CBLN2: variants seen among roughly 807,000 people sequenced by gnomAD.
CBLN2 encodes the protein cerebellin-2.
Under a neutral mutation model 15.0 loss-of-function variants are expected in CBLN2, and 7 were observed. The ratio of observed to expected loss-of-function variants is 0.47; its 90% CI spans 0.27 to 0.88. The LOEUF is 0.88. Among genes scored for constraint, CBLN2 ranks in the 40% least tolerant of loss-of-function variants. The pLI is 0.14. For synonymous variants in CBLN2, 149 were observed against 135.2 expected (o/e 1.10, Z -0.71); for missense variants, 242 against 304.5 (o/e 0.79, Z 1.53).
At chr18:72,635,413 A>C (rs2069805743) in intron 1 of CBLN2, among the ~76,000 whole-genome samples, 1 of 152,138 alleles carries the variant, frequency 6.6e-6, no homozygotes. Context: ...CACAAGAATG[A>C]ATGTTAGGGG....
rs1313214575 is a variant in CBLN2, at chr18:72,543,508, G to C, written c.-189C>G. On this transcript the variant is annotated 5_prime_UTR_variant, in exon 2 of 5. Transcript: ENST00000269503. This position sits in a 1 kb window ranked among gnomAD's most constrained non-coding sequence, Gnocchi z 6.8. Reference sequence around the variant, plus strand: ...TACCTGGAACATCCATGCTGGGCGAGCTCCGCTGTCCGCGAAGTTGCTCTG... The same window carrying C: ...TACCTGGAACATCCATGCTGGGCGACCTCCGCTGTCCGCGAAGTTGCTCTG... 2.5e-6 allele frequency: 1 copy of C among 398,492 alleles called. No individual in the cohort carries two copies. The highest frequency in any genetic ancestry group is 2.1e-5 in the African/African-American group (1 of 48,604). 24.7% of individuals were successfully genotyped at this position (398,492 alleles called of 1,614,324 possible). A position where few individuals can be genotyped will look rare whatever the true frequency, so the allele number is the denominator to read the frequency against.
intron 1 of CBLN2, among the ~76,000 whole-genome samples, chr18:72,552,360 A>G (rs942254797): frequency 3.3e-5 from 5 of 152,164 alleles, no homozygotes; most frequent in African/African-American, 7.2e-5. Context: ...CCAGGATTAC[A>G]GGCATAAGCC....
chr18:72,550,910 A>G (rs185835562), intron 1 of CBLN2, among the ~76,000 whole-genome samples: 4 of 152,216 alleles, frequency 2.6e-5, no homozygotes, highest in East Asian at 1.9e-4. Flanking sequence ...ATATACGGCT[A>G]TATTCTTAAT....
intron 1 of CBLN2, among the ~76,000 whole-genome samples, chr18:72,592,657 T>C (rs2069487467): frequency 6.6e-6 from 1 of 152,100 alleles, no homozygotes. Context: ...TACATTTTGA[T>C]TTGATTTTTG....
chr18:72,628,624 A>C (rs964981265), intron 1 of CBLN2, among the ~76,000 whole-genome samples: 1 of 152,224 alleles, frequency 6.6e-6, no homozygotes, highest in Non-Finnish European at 1.5e-5. Flanking sequence ...CTGAGAGCCA[A>C]AGGGACATGT....
intron 1 of CBLN2, chr18:72,618,392 C>CT (rs2069677221): frequency 3.6e-6 from 2 of 557,264 alleles, no homozygotes; most frequent in Admixed American, 4.9e-5. Flanking sequence ...TACTCACAGA[C>CT]TAGGCGGTCT....
At chr18:72,554,825 G>A (rs1263252971) in intron 1 of CBLN2, among the ~76,000 whole-genome samples, 1 of 152,010 alleles carries the variant, frequency 6.6e-6, no homozygotes, top group Non-Finnish European at 1.5e-5. Flanking sequence ...CCCCCTTGCT[G>A]ATATTGATTA....
In CBLN2 at chr18:72,570,878, C is replaced by A. The variant is rs72634447; in HGVS notation, c.16-32106G>T. Among the ~76,000 whole-genome samples, 6,992 of 151,978 alleles carry A rather than the reference C, an allele frequency of 0.046. 793 individuals are homozygous for A. In the East Asian group the frequency reaches 0.5, roughly 11 times the overall value. ...ACATCCATGAATGACTGCAATGGAG[C>A]CACCAAGTATTGATTTGAGGGTCAT... On this transcript the variant is annotated intron_variant, in intron 1 of 2. Coordinates refer to the CBLN2 transcript ENST00000581073.
chr18:72,547,368 T>C (rs946143018), upstream of CBLN2, among the ~76,000 whole-genome samples: 2 of 151,978 alleles, frequency 1.3e-5, no homozygotes, highest in African/African-American at 4.8e-5. Flanking sequence ...GGTAGGAGGA[T>C]GGTTGAGGAT....
Position 72,538,111 on chromosome 18 carries a change from G to A in CBLN2, c.*65C>T. The A allele has an allele frequency of 6.6e-7, 1 of 1,514,710 alleles. No individual in the cohort carries two copies. Among genetic ancestry groups the A allele is most frequent in the South Asian group, 1.1e-5 (1 of 88,740 alleles). 93.8% of individuals were successfully genotyped at this position (1,514,710 alleles called of 1,614,324 possible). A position where few individuals can be genotyped will look rare whatever the true frequency, so the allele number is the denominator to read the frequency against. ...GGTGTCCAATTCCAGTAAGTTCAGG[G>A]TGTTTTAAAGGGCGGAGTCCTGGGT... On this transcript the variant is annotated 3_prime_UTR_variant, in exon 5 of 5. Coordinates refer to ENST00000269503, the MANE Select transcript of CBLN2 (RefSeq NM_182511.4).
chr18:72,564,815 T>G (rs1190475454), intron 1 of CBLN2, among the ~76,000 whole-genome samples: 1 of 151,740 alleles, frequency 6.6e-6, no homozygotes, highest in Non-Finnish European at 1.5e-5. Context: ...AGTTTTCAAA[T>G]AGATTCAACC....
intron 1 of CBLN2, among the ~76,000 whole-genome samples, chr18:72,590,224 C>A (rs1033243785): frequency 6.6e-6 from 1 of 151,164 alleles, no homozygotes; most frequent in Non-Finnish European, 1.5e-5. Context: ...GAGATGGCGC[C>A]ACTGCACTCC....
chr18:72,605,131 CT>C (rs2069574803), intron 1 of CBLN2, among the ~76,000 whole-genome samples: 1 of 152,158 alleles, frequency 6.6e-6, no homozygotes, highest in Non-Finnish European at 1.5e-5. Flanking sequence ...TTCTTCCTCT[CT>C]TAAAATTTTC....
intron 1 of CBLN2, among the ~76,000 whole-genome samples, chr18:72,590,286 A>C (rs2069471808): frequency 7.1e-6 from 1 of 141,458 alleles, no homozygotes; most frequent in South Asian, 2.2e-4. Flanking sequence ...AAACAAAAAC[A>C]AAAAAAAAAA....
chr18:72,538,430 G>T, intron 4 of CBLN2, 57 bp from the exon 5 acceptor site: 3 of 1,576,416 alleles, frequency 1.9e-6, no homozygotes, highest in African/African-American at 1.3e-5. Flanking sequence ...CCCACACACT[G>T]TTCTCTCCTT....
intron 1 of CBLN2, among the ~76,000 whole-genome samples, chr18:72,563,101 C>G (rs2069272228): frequency 6.6e-6 from 1 of 152,184 alleles, no homozygotes; most frequent in African/African-American, 2.4e-5. Context: ...ACGCGATGCT[C>G]TCTCACACAA....
intron 1 of CBLN2, among the ~76,000 whole-genome samples, chr18:72,569,569 G>A (rs2069317169): frequency 6.6e-6 from 1 of 152,188 alleles, no homozygotes; most frequent in Admixed American, 6.5e-5. Flanking sequence ...GGCTGTACAG[G>A]CAATGTGGTG....
chr18:72,588,549 A>G (rs2069457942), intron 1 of CBLN2, among the ~76,000 whole-genome samples: 1 of 152,150 alleles, frequency 6.6e-6, no homozygotes, highest in Admixed American at 6.5e-5. Flanking sequence ...AAGGCTGAAG[A>G]GACATCATTT....
chr18:72,562,622 G>C (rs2069269088), intron 1 of CBLN2, among the ~76,000 whole-genome samples: 2 of 152,114 alleles, frequency 1.3e-5, no homozygotes, highest in Admixed American at 6.5e-5. Flanking sequence ...TCACTATTTT[G>C]TTTTACTTTT....
Sources: allele counts gnomAD v4.1 joint callset (sites outside exome capture counted in the v4.1 genomes callset), GRCh38; gene constraint gnomAD v4.1.1; non-coding constraint Gnocchi (gnomAD v3.1); transcripts MANE v1.5; gene names NCBI Gene and HGNC (gene_info 2026-07-23, HGNC 2026-07-21).